The following MARCHF7 variants were observed in gnomAD, a reference collection of about 807,000 sequenced individuals.
MARCHF7 encodes the protein membrane associated ring-CH-type finger 7.
In MARCHF7, 20 loss-of-function variants were observed where a neutral mutation model predicts 76.5. The ratio of observed to expected loss-of-function variants is 0.26; its 90% CI spans 0.18 to 0.38. The LOEUF (loss-of-function observed/expected upper bound fraction) is 0.38, where lower values mean the gene tolerates loss of function less well. MARCHF7 is among the 10% of genes least tolerant of loss of function. The pLI is 1.00. For synonymous variants in MARCHF7, 295 were observed against 293.0 expected, an observed-to-expected ratio of 1.01 and a Z score of -0.07; for missense variants, 797 against 812.9, an observed-to-expected ratio of 0.98 and a Z score of 0.24.
chr2:159,729,409 G>A (rs921126048), intron 4 of MARCHF7, among the ~76,000 whole-genome samples: 2 of 152,142 alleles, frequency 1.3e-5, no homozygotes, highest in African/African-American at 2.4e-5. Context: ...GGTGGCTCAC[G>A]CCTGTAATCC....
chr2:159,755,387 C>T (rs941314161), intron 8 of MARCHF7, among the ~76,000 whole-genome samples: 2 of 151,840 alleles, frequency 1.3e-5, no homozygotes, highest in African/African-American at 4.8e-5. Context: ...TTGAAACAAC[C>T]AAGGATTTAG....
intron 3 of MARCHF7, among the ~76,000 whole-genome samples, chr2:159,716,011 G>T (rs775494797): frequency 1.3e-5 from 2 of 152,192 alleles, no homozygotes; most frequent in Non-Finnish European, 2.9e-5. Flanking sequence ...CAGTGGTGTA[G>T]TGTAGACTTA....
Position 159,748,566 on chromosome 2 carries a change from A to T in MARCHF7, c.1276A>T (p.Arg426Ter). The change falls in exon 7 of 12, where the codon AGA (arginine) becomes TGA (stop). Residue 426 changes from arginine to a stop codon, truncating the protein, a stop_gained. Transcript: ENST00000409175. LOFTEE classifies it high-confidence loss of function. ...DTSSRSHIFR[R>*]ESNEVVHLEA... The stretch of plus-strand genomic sequence containing the variant: ...ATCATCTAGATCTCATATTTTTAGA[A>T]GAGAATCAAATGAAGTGGTTCACCT... The T allele has an allele frequency of 6.2e-7, 1 of 1,614,232 alleles. No homozygotes were observed. Among genetic ancestry groups the T allele is most frequent in the Non-Finnish European group, 8.5e-7 (1 of 1,180,034 alleles).
At chr2:159,713,746 T>G (rs1700628728) in intron 1 of MARCHF7, among the ~76,000 whole-genome samples, 1 of 152,176 alleles carries the variant, frequency 6.6e-6, no homozygotes, top group Non-Finnish European at 1.5e-5. Flanking sequence ...ACAGGACTGG[T>G]GCATGAGGCA....
intron 9 of MARCHF7, among the ~76,000 whole-genome samples, chr2:159,759,721 A>G (rs17814581): frequency 0.32 from 48,538 of 151,954 alleles, 9,724 homozygotes; most frequent in Admixed American, 0.48. Context: ...TTTAGAGCCA[A>G]ATTGTTGAAG....
At chr2:159,731,412 G>A (rs745540624) in intron 4 of MARCHF7, among the ~76,000 whole-genome samples, 4 of 152,026 alleles carry the variant, frequency 2.6e-5, no homozygotes, top group African/African-American at 9.7e-5. Flanking sequence ...AGATATGACC[G>A]TTTTCAAACT....
At chr2:159,716,483 C>T (rs1020808559) in intron 3 of MARCHF7, among the ~76,000 whole-genome samples, 1 of 151,764 alleles carries the variant, frequency 6.6e-6, no homozygotes, top group African/African-American at 2.4e-5. Context: ...CCCGTCTCTA[C>T]TAAAAAAAAT....
rs868824610 is a variant in MARCHF7 at position 159,747,393 on chromosome 2, C to G, written c.515-412C>G. On this transcript the variant is annotated intron_variant, in intron 6 of 11. Coordinates refer to ENST00000409175, the MANE Select transcript of MARCHF7 (RefSeq NM_001282805.2). ...TAAAAAAAAATCTCCAAAACAGTCT[C>G]CCTAGGATGGATTTGCTTTTAATCA... Among the ~76,000 whole-genome samples, 3 of 152,014 alleles carry G rather than the reference C, an allele frequency of 2.0e-5. No individual in the cohort carries two copies. The South Asian group carries it at 6.2e-4, about 31-fold the overall frequency.
Position 159,748,113 on chromosome 2 carries a change from G to C in MARCHF7, c.823G>C (p.Gly275Arg), listed in dbSNP as rs1369631945. 6.2e-7 allele frequency: 1 copy of C among 1,613,934 alleles called. No homozygotes were observed. The highest frequency in any genetic ancestry group is 8.5e-7 in the Non-Finnish European group (1 of 1,179,956). Residue 275 changes from glycine to arginine, a missense_variant, in exon 7 of 12, where the codon GGT (glycine) becomes CGT (arginine). By Grantham distance (125) the Gly-to-Arg change is moderately radical. Transcript: ENST00000409175. ...RPFQESSDNE[G>R]RRTTRRLLSR... ...ATTTCAAGAATCTTCTGACAATGAA[G>C]GTAGGCGGACAACGAGGAGATTGCT...
At chr2:159,739,737 T>A (rs1269725664) in intron 4 of MARCHF7, among the ~76,000 whole-genome samples, 2 of 152,252 alleles carry the variant, frequency 1.3e-5, no homozygotes. Flanking sequence ...GGAAAAGGTT[T>A]GATTTTGAAC....
chr2:159,747,786 A>T lies in MARCHF7; in HGVS notation c.515-19A>T. The T allele has an allele frequency of 2.6e-6, 4 of 1,542,758 alleles. No homozygotes were observed. The highest frequency in any genetic ancestry group is 3.5e-6 in the Non-Finnish European group (4 of 1,150,482). ...CTCAAATTATTTCATGTAATTGGTT[A>T]TCTTCCTTTCAAAAATAGATGTTCA... is the stretch of plus-strand genomic sequence containing the variant. On this transcript the variant is annotated intron_variant, in intron 6 of 11. Coordinates refer to ENST00000409175, the MANE Select transcript of MARCHF7 (RefSeq NM_001282805.2).
At position 159,770,660 on chromosome 2, in the gene MARCHF7, A is replaced by AT. The variant is rs1040880366; in HGVS notation, c.*3323dup. ...GAACAGTGTTTCCTTAGTAGACCAT[A>AT]TTTTTACTGTACCTTTTCTATATTT... On this transcript the variant is annotated 3_prime_UTR_variant, in exon 12 of 12. Coordinates refer to ENST00000409175, the MANE Select transcript of MARCHF7 (RefSeq NM_001282805.2). The AT allele has an allele frequency of 6.6e-6, 1 of 152,020 alleles. No homozygotes were observed. Among genetic ancestry groups the AT allele is most frequent in the African/African-American group, 2.4e-5 (1 of 41,350 alleles). 9.4% of individuals were successfully genotyped at this position (152,020 alleles called of 1,614,324 possible).
intron 4 of MARCHF7, among the ~76,000 whole-genome samples, chr2:159,730,935 G>A (rs1241143560): frequency 6.6e-6 from 1 of 151,982 alleles, no homozygotes; most frequent in African/African-American, 2.4e-5. Context: ...CTGTTACCCA[G>A]GCTGGAGTGA....
rs1271942755 is a variant in MARCHF7 at position 159,770,890 on chromosome 2, T to C, written c.*3548T>C. The stretch of plus-strand genomic sequence containing the variant: ...TAATTTACGTGAAATTTATACATTC[T>C]TTATCTTTCCTGTTTTTGGTTTATT... On this transcript the variant is annotated 3_prime_UTR_variant, in exon 12 of 12. Transcript: ENST00000409175. 6.6e-6 allele frequency: 1 copy of C among 152,174 alleles called. No individual in the cohort carries two copies. Among genetic ancestry groups the C allele is most frequent in the Non-Finnish European group, 1.5e-5 (1 of 68,014 alleles). 9.4% of individuals were successfully genotyped at this position (152,174 alleles called of 1,614,324 possible).
chr2:159,743,130 G>A lies in MARCHF7; in HGVS notation c.223G>A (p.Gly75Arg). The A allele has an allele frequency of 6.2e-7, 1 of 1,614,122 alleles. No individual in the cohort carries two copies. Among genetic ancestry groups the A allele is most frequent in the Non-Finnish European group, 8.5e-7 (1 of 1,180,026 alleles). ...GTATAGTGAATCTGAGATAACTCAG[G>A]GAGCACGCTCAAGATCGCAGAACCA... Reference protein sequence around the residue: ...AWYSESEITQGARSRSQNQQR... With the variant: ...AWYSESEITQRARSRSQNQQR... Residue 75 changes from glycine to arginine, a missense_variant, in exon 5 of 12, where the codon GGA becomes AGA. Coordinates refer to ENST00000409175, the MANE Select transcript of MARCHF7 (RefSeq NM_001282805.2).
chr2:159,744,134 C>G (rs939187245), intron 5 of MARCHF7, among the ~76,000 whole-genome samples: 2 of 150,506 alleles, frequency 1.3e-5, no homozygotes, highest in Non-Finnish European at 3.0e-5. Context: ...ACTACAGGCG[C>G]CCGCCACTAC....
At chr2:159,755,189 T>A (rs939344938) in intron 8 of MARCHF7, among the ~76,000 whole-genome samples, 2 of 152,174 alleles carry the variant, frequency 1.3e-5, no homozygotes, top group African/African-American at 4.8e-5. Flanking sequence ...TTATTGACAT[T>A]GACGTAAGTA....
chr2:159,748,691 T>G lies in MARCHF7; in HGVS notation c.1401T>G (p.Ala467=). Residue 467 remains alanine, a synonymous_variant, in exon 7 of 12, where the codon GCT becomes GCG. Transcript: ENST00000409175. ...ATTGGSTSDS[A]QGGRNTGISG... ...CAGGTGGCTCTACATCAGATTCGGC[T>G]CAAGGTGGAAGAAATACAGGAATAT... 6.2e-7 allele frequency: 1 copy of G among 1,614,186 alleles called. No homozygotes were observed. The highest frequency in any genetic ancestry group is 8.5e-7 in the Non-Finnish European group (1 of 1,180,026).
intron 2 of MARCHF7, among the ~76,000 whole-genome samples, chr2:159,714,821 C>G (rs1700851826): frequency 6.6e-6 from 1 of 152,028 alleles, no homozygotes; most frequent in East Asian, 1.9e-4. Context: ...GCTGCTGAGG[C>G]AGAACGATCA....
Sources: gnomAD v4.1 joint callset for allele counts (sites outside exome capture counted in the v4.1 genomes callset) on GRCh38, gnomAD v4.1.1 for gene constraint, MANE v1.5 for transcripts, NCBI Gene and HGNC (gene_info 2026-07-23, HGNC 2026-07-21) for gene names.